CNTNAP2: variants seen among roughly 807,000 people sequenced by gnomAD.
CNTNAP2 encodes contactin-associated protein-like 2.
CNTNAP2 carries 98 observed loss-of-function variants against 155.2 expected under a neutral mutation model. That is an observed-to-expected ratio of 0.63 (90% CI 0.54 to 0.75). CNTNAP2 has a LOEUF of 0.75. CNTNAP2 is among the 30% of genes least tolerant of loss of function. CNTNAP2 has a pLI of 0.00. For synonymous variants in CNTNAP2, 651 were observed against 631.2 expected (o/e 1.03, Z -0.47); for missense variants, 1,727 against 1,688.1 (o/e 1.02, Z -0.40).
intron 1 of CNTNAP2, among the ~76,000 whole-genome samples, chr7:146,481,301 G>A (rs61167195): frequency 0.01 from 1,559 of 152,104 alleles, 22 homozygotes; most frequent in African/African-American, 0.035. Context: ...GAAATGTTTG[G>A]GTAATATCTG....
chr7:146,469,826 A>G (rs79613530), intron 1 of CNTNAP2, among the ~76,000 whole-genome samples: 3,117 of 141,600 alleles, frequency 0.022, 70 homozygotes, highest in African/African-American at 0.055. Context: ...CACCAACCCC[A>G]GCCTTAATTG....
chr7:147,667,607 C>G (rs78827459), intron 13 of CNTNAP2, among the ~76,000 whole-genome samples: 4,451 of 152,052 alleles, frequency 0.029, 93 homozygotes, highest in Middle Eastern at 0.13. Context: ...AATAACATAC[C>G]TTTCAGGATT....
At chr7:146,157,264 A>C (rs1416282478) in intron 1 of CNTNAP2, among the ~76,000 whole-genome samples, 3 of 152,150 alleles carry the variant, frequency 2.0e-5, no homozygotes, top group African/African-American at 7.2e-5. Flanking sequence ...TTCAATAATA[A>C]CATTAAAGCA....
At chr7:147,261,680 GA>G (rs1804469875) in intron 8 of CNTNAP2, among the ~76,000 whole-genome samples, 1 of 151,894 alleles carries the variant, frequency 6.6e-6, no homozygotes, top group South Asian at 2.1e-4. Context: ...TTTCACTGGG[GA>G]AAAAAATAAA....
At chr7:146,685,437 G>A (rs1173991887) in intron 1 of CNTNAP2, among the ~76,000 whole-genome samples, 1 of 152,078 alleles carries the variant, frequency 6.6e-6, no homozygotes, top group Non-Finnish European at 1.5e-5. Context: ...TTAGGGTTTT[G>A]GTTCATCTTT....
chr7:147,215,144 A>C (rs1278506087), intron 8 of CNTNAP2, among the ~76,000 whole-genome samples: 1 of 152,144 alleles, frequency 6.6e-6, no homozygotes, highest in African/African-American at 2.4e-5. Context: ...ACCCAGAGCA[A>C]ATTATATCAA....
chr7:146,410,075 T>C (rs1255029359), intron 1 of CNTNAP2, among the ~76,000 whole-genome samples: 1 of 152,170 alleles, frequency 6.6e-6, no homozygotes, highest in Non-Finnish European at 1.5e-5. Flanking sequence ...CTATTCCAAC[T>C]CCTCTCACTG....
At chr7:148,138,812 T>A (rs2116640125) in intron 16 of CNTNAP2, among the ~76,000 whole-genome samples, 1 of 152,318 alleles carries the variant, frequency 6.6e-6, no homozygotes, top group East Asian at 1.9e-4. Context: ...AAGTCCTACA[T>A]GGGGTACAGG....
intron 9 of CNTNAP2, among the ~76,000 whole-genome samples, chr7:147,363,885 T>C (rs1432790589): frequency 1.3e-5 from 2 of 152,232 alleles, no homozygotes; most frequent in East Asian, 3.8e-4. Flanking sequence ...TTTCATGACA[T>C]TGAAATTATA....
chr7:146,879,508 A>G (rs1488418568), intron 3 of CNTNAP2, among the ~76,000 whole-genome samples: 1 of 151,988 alleles, frequency 6.6e-6, no homozygotes, highest in Admixed American at 6.6e-5. Flanking sequence ...TTAAATTAGC[A>G]TTTACTATGT....
intron 1 of CNTNAP2, among the ~76,000 whole-genome samples, chr7:146,613,175 T>C (rs1015624306): frequency 5.3e-5 from 8 of 152,146 alleles, no homozygotes; most frequent in African/African-American, 1.9e-4. Flanking sequence ...TGTTAAAACC[T>C]CCAATGTCAC....
chr7:146,142,335 T>C (rs2116759059), intron 1 of CNTNAP2, among the ~76,000 whole-genome samples: 1 of 152,312 alleles, frequency 6.6e-6, no homozygotes, highest in African/African-American at 2.4e-5. Flanking sequence ...GTGGACAGCA[T>C]GTGGACTAAA....
chr7:146,606,544 G>A (rs936615132), intron 1 of CNTNAP2, among the ~76,000 whole-genome samples: 1 of 152,152 alleles, frequency 6.6e-6, no homozygotes, highest in Admixed American at 6.5e-5. Flanking sequence ...GATTGATTAA[G>A]CCTAGCCATA....
chr7:146,595,600 A>G (rs1037272171), intron 1 of CNTNAP2, among the ~76,000 whole-genome samples: 6 of 152,158 alleles, frequency 3.9e-5, no homozygotes, highest in Admixed American at 3.9e-4. Flanking sequence ...AGGTGGAAAT[A>G]TACTCATTAA....
intron 13 of CNTNAP2, among the ~76,000 whole-genome samples, chr7:147,760,618 C>T (rs1000171104): frequency 6.6e-6 from 1 of 152,270 alleles, no homozygotes; most frequent in South Asian, 2.1e-4. Flanking sequence ...GATAATTTTT[C>T]CTGGCCTTCT....
chr7:148,082,061 C>T (rs58144044), intron 15 of CNTNAP2, among the ~76,000 whole-genome samples: 7,745 of 152,112 alleles, frequency 0.051, 249 homozygotes, highest in Admixed American at 0.11. Flanking sequence ...ATTCTCCTGC[C>T]TTGGCCTCCC....
intron 12 of CNTNAP2, among the ~76,000 whole-genome samples, chr7:147,612,554 C>T (rs1299909693): frequency 1.3e-5 from 2 of 151,946 alleles, no homozygotes; most frequent in East Asian, 1.9e-4. Context: ...GCATGCACCA[C>T]CATGCCTGGC....
At chr7:147,407,137 A>G (rs62481201) in intron 10 of CNTNAP2, among the ~76,000 whole-genome samples, 97,281 of 151,944 alleles carry the variant, frequency 0.64, 32,114 homozygotes, top group African/African-American at 0.81. Flanking sequence ...GAAAATTACA[A>G]GAGAAATTTT....
At chr7:148,390,432 G>A (rs184217143) in intron 22 of CNTNAP2, among the ~76,000 whole-genome samples, 137 of 152,288 alleles carry the variant, frequency 9.0e-4, no homozygotes, top group African/African-American at 3.2e-3. Context: ...AGAAAAAGAT[G>A]CTGCTTTAAA....
Sources: gnomAD v4.1 joint callset for allele counts (sites outside exome capture counted in the v4.1 genomes callset) on GRCh38, gnomAD v4.1.1 for gene constraint, MANE v1.5 for transcripts, NCBI Gene and HGNC (gene_info 2026-07-23, HGNC 2026-07-21) for gene names.